The following PIP4K2A variants were observed in gnomAD, a reference collection of about 807,000 sequenced individuals.
The protein encoded by PIP4K2A is phosphatidylinositol-5-phosphate 4-kinase type 2 alpha, also known as phosphatidylinositol 5-phosphate 4-kinase type-2 alpha.
In PIP4K2A, 14 loss-of-function variants were observed where a neutral mutation model predicts 42.9. The ratio of observed to expected loss-of-function variants is 0.33; its 90% CI spans 0.22 to 0.51. The LOEUF (loss-of-function observed/expected upper bound fraction) is 0.51, where lower values mean the gene tolerates loss of function less well. Among genes scored for constraint, PIP4K2A ranks in the 20% least tolerant of loss-of-function variants. The pLI is 0.97. For missense variants in PIP4K2A, 434 were observed against 519.8 expected, an observed-to-expected ratio of 0.83 and a Z score of 1.61; for synonymous variants, 192 against 192.2, an observed-to-expected ratio of 1.00 and a Z score of 0.01.
At position 22,641,550 on chromosome 10, in the gene PIP4K2A, T is replaced by C. The variant is rs1028082065; in HGVS notation, c.145-31833A>G. On this transcript the variant is annotated intron_variant, in intron 1 of 9. Transcript: ENST00000376573. ...TTGAACTCATGGGCTCAAGTGATCC[T>C]CCCACCTCAATGTCCCAAGTAGCTG... 2.6e-5 allele frequency among the ~76,000 whole-genome samples: 4 copies of C among 152,062 alleles called. No individual in the cohort carries two copies. In the South Asian group the frequency reaches 8.3e-4, roughly 32 times the overall value.
chr10:22,630,128 G>A (rs1168316956), intron 1 of PIP4K2A, among the ~76,000 whole-genome samples: 1 of 151,596 alleles, frequency 6.6e-6, no homozygotes, highest in African/African-American at 2.4e-5. Context: ...CTTAAGGTCA[G>A]GAGTTTTAAC....
intron 1 of PIP4K2A, among the ~76,000 whole-genome samples, chr10:22,645,710 G>A (rs1417680243): frequency 2.0e-5 from 3 of 148,778 alleles, no homozygotes; most frequent in East Asian, 3.9e-4. Flanking sequence ...TTCTGAGACA[G>A]GGTCTCACTC....
At chr10:22,689,873 T>C (rs1053380858) in intron 1 of PIP4K2A, among the ~76,000 whole-genome samples, 5 of 152,186 alleles carry the variant, frequency 3.3e-5, no homozygotes, top group South Asian at 2.1e-4. Context: ...AGTTTTTCTT[T>C]AGCAACATTT....
chr10:22,619,444 T>TTTG (rs1554802338), intron 1 of PIP4K2A, among the ~76,000 whole-genome samples: 7 of 150,778 alleles, frequency 4.6e-5, no homozygotes, highest in African/African-American at 1.5e-4. Flanking sequence ...TTTTTCTTTT[T>TTTG]TTTTTTTTTT....
intron 7 of PIP4K2A, among the ~76,000 whole-genome samples, chr10:22,549,342 TTTC>T (rs1237587336): frequency 6.6e-6 from 1 of 151,778 alleles, no homozygotes; most frequent in Non-Finnish European, 1.5e-5. Context: ...CTTTCGTCAT[TTTC>T]TTTTTCTTTT....
chr10:22,553,789 C>CT (rs3074629), intron 6 of PIP4K2A, among the ~76,000 whole-genome samples: 7,399 of 118,400 alleles, frequency 0.062, 304 homozygotes, highest in Non-Finnish European at 0.091. Flanking sequence ...GGTTGAAAAA[C>CT]TTTTTTTTTT....
chr10:22,583,196 G>A (rs1388047731), intron 4 of PIP4K2A, among the ~76,000 whole-genome samples: 2 of 152,222 alleles, frequency 1.3e-5, no homozygotes, highest in East Asian at 1.9e-4. Context: ...TTTATCATAT[G>A]TACAGATGCC....
At chr10:22,629,028 T>C (rs1838500329) in intron 1 of PIP4K2A, among the ~76,000 whole-genome samples, 1 of 152,186 alleles carries the variant, frequency 6.6e-6, no homozygotes, top group Non-Finnish European at 1.5e-5. Flanking sequence ...TTTGGGGACC[T>C]CAGAATTTTG....
chr10:22,581,749 C>A (rs1536333), intron 4 of PIP4K2A, among the ~76,000 whole-genome samples: 148,065 of 152,242 alleles, frequency 0.97, 72,028 homozygotes, highest in East Asian at 1. Flanking sequence ...TGGCTTTTTA[C>A]ATTTTTCTCA....
intron 1 of PIP4K2A, among the ~76,000 whole-genome samples, chr10:22,658,991 G>A (rs966444086): frequency 6.6e-6 from 1 of 152,178 alleles, no homozygotes; most frequent in African/African-American, 2.4e-5. Context: ...GCAGCTCAAG[G>A]CTGCGGAATG....
At chr10:22,541,635 T>A (rs999452007) in intron 8 of PIP4K2A, among the ~76,000 whole-genome samples, 169 bp downstream of exon 8, 1 of 152,182 alleles carries the variant, frequency 6.6e-6, no homozygotes, top group African/African-American at 2.4e-5. Context: ...AGCACTGAGA[T>A]CACGGTTAGC....
chr10:22,582,302 C>A (rs1837298124), intron 4 of PIP4K2A, among the ~76,000 whole-genome samples: 2 of 151,116 alleles, frequency 1.3e-5, no homozygotes, highest in South Asian at 4.2e-4. Context: ...GTTTCCTTTG[C>A]CCTTAGGCAC....
At chr10:22,567,248 T>C (rs557390725) in intron 6 of PIP4K2A, among the ~76,000 whole-genome samples, 2 of 152,368 alleles carry the variant, frequency 1.3e-5, no homozygotes, top group Admixed American at 1.3e-4. Flanking sequence ...GTTGACTCTC[T>C]CTATAATCTT....
intron 7 of PIP4K2A, among the ~76,000 whole-genome samples, chr10:22,544,080 G>A (rs145475555): frequency 6.6e-5 from 10 of 152,126 alleles, no homozygotes; most frequent in Non-Finnish European, 1.3e-4. Flanking sequence ...CCTTTTCTTC[G>A]CAACCCTAGG....
intron 1 of PIP4K2A, among the ~76,000 whole-genome samples, chr10:22,693,525 G>A (rs190168033): frequency 1.3e-5 from 2 of 152,140 alleles, no homozygotes; most frequent in Admixed American, 6.5e-5. Context: ...CTATAAGAAA[G>A]CAAAAAGACA....
chr10:22,584,565 A>G lies in PIP4K2A; in HGVS notation c.492+7064T>C, dbSNP rs1254286811. Among the ~76,000 whole-genome samples the G allele has an allele frequency of 3.9e-5, 6 of 152,306 alleles. No homozygotes were observed. In the East Asian group the frequency reaches 5.8e-4, roughly 15 times the overall value. Reference sequence around the variant, plus strand: ...ACCCTGGAGAAGAAGTACTGCAGGAAAAGCTTGCTGGGGAGTGTGCCGGGC... The same window carrying G: ...ACCCTGGAGAAGAAGTACTGCAGGAGAAGCTTGCTGGGGAGTGTGCCGGGC... On this transcript the variant is annotated intron_variant, in intron 4 of 9. Coordinates refer to ENST00000376573, the MANE Select transcript of PIP4K2A (RefSeq NM_005028.5).
chr10:22,552,505 C>T (rs1836437654), intron 6 of PIP4K2A, among the ~76,000 whole-genome samples: 1 of 151,984 alleles, frequency 6.6e-6, no homozygotes, highest in African/African-American at 2.4e-5. Context: ...AATGTGAAGA[C>T]AGCACAATAT....
intron 1 of PIP4K2A, among the ~76,000 whole-genome samples, chr10:22,697,857 C>G (rs1028407812): frequency 6.6e-6 from 1 of 152,094 alleles, no homozygotes; most frequent in African/African-American, 2.4e-5. Flanking sequence ...GTCCATAGGT[C>G]GAGTCTAACG....
At chr10:22,704,619 T>G (rs1588717185) in intron 1 of PIP4K2A, among the ~76,000 whole-genome samples, 1 of 119,504 alleles carries the variant, frequency 8.4e-6, no homozygotes, top group African/African-American at 3.4e-5. Flanking sequence ...CACCATGCAC[T>G]CCAGCCCAGG....
Sources: allele counts gnomAD v4.1 joint callset (sites outside exome capture counted in the v4.1 genomes callset), GRCh38; gene constraint gnomAD v4.1.1; transcripts MANE v1.5; gene names NCBI Gene and HGNC (gene_info 2026-07-23, HGNC 2026-07-21).